GRK5: variants seen among roughly 807,000 people sequenced by gnomAD.
The protein encoded by GRK5 is g protein-coupled receptor kinase GRK5.
GRK5 carries 40 observed loss-of-function variants against 78.4 expected under a neutral mutation model. That is an observed-to-expected ratio of 0.51 (90% CI 0.40 to 0.66). GRK5 has a LOEUF of 0.66. Ranked by LOEUF, GRK5 falls within the 30% of genes least tolerant of loss-of-function variation. The pLI, the probability that GRK5 is intolerant of heterozygous loss-of-function variation, is 0.00. For synonymous variants in GRK5, 289 were observed against 296.8 expected (o/e 0.97, Z 0.27); for missense variants, 598 against 759.9 (o/e 0.79, Z 2.50).
chr10:119,358,115 G>A (rs1047547859), intron 2 of GRK5, among the ~76,000 whole-genome samples: 2 of 152,204 alleles, frequency 1.3e-5, no homozygotes, highest in Non-Finnish European at 2.9e-5. Flanking sequence ...CCATTGTGCA[G>A]TGGGGAGGGA....
chr10:119,448,854 C>T (rs1853214438), intron 13 of GRK5, among the ~76,000 whole-genome samples: 1 of 152,186 alleles, frequency 6.6e-6, no homozygotes. Context: ...AAGTCCCCTA[C>T]ATGGTCTATA....
At chr10:119,353,948 T>TC (rs1168953362) in intron 2 of GRK5, among the ~76,000 whole-genome samples, 1 of 149,800 alleles carries the variant, frequency 6.7e-6, no homozygotes, top group African/African-American at 2.4e-5. Flanking sequence ...TTTTTTTTTT[T>TC]TTTTGAGGTG....
rs140074275 is a variant in GRK5, at chr10:119,232,499, T to C, written c.52+24530T>C. Among the ~76,000 whole-genome samples, 187 of 152,350 alleles carry C rather than the reference T, an allele frequency of 1.2e-3. 1 individual carries two copies. The highest frequency in any genetic ancestry group is 4.3e-3 in the African/African-American group (178 of 41,582). ...TTGAATGTTCCTAACTGATATGGTT[T>C]GGCTGTGTTCCCACCCACATCTCAT... On this transcript the variant is annotated intron_variant, in intron 1 of 15. Transcript: ENST00000392870.
intron 1 of GRK5, among the ~76,000 whole-genome samples, chr10:119,283,843 G>T (rs376528199): frequency 6.6e-6 from 1 of 152,234 alleles, no homozygotes; most frequent in Non-Finnish European, 1.5e-5. Context: ...TCTGGCAAGA[G>T]AATGTTTCAA....
intron 1 of GRK5, among the ~76,000 whole-genome samples, chr10:119,297,305 A>C (rs1850098701): frequency 6.6e-6 from 1 of 152,192 alleles, no homozygotes; most frequent in South Asian, 2.1e-4. Context: ...AAGTTTGGCG[A>C]ATGTTAGTGC....
chr10:119,430,927 C>T lies in GRK5; in HGVS notation c.598-460C>T, dbSNP rs1359862411. Among the ~76,000 whole-genome samples, 2 of 152,178 alleles carry T rather than the reference C, an allele frequency of 1.3e-5. No individual in the cohort carries two copies. Among genetic ancestry groups the T allele is most frequent in the African/African-American group, 4.8e-5 (2 of 41,440 alleles). ...GTTAGGTGACCCAGCCAAGGGCGCG[C>T]AGACAATGTGAGGCAGAGCTAAGAC... On this transcript the variant is annotated intron_variant, in intron 7 of 15. Transcript: ENST00000392870. The surrounding 1 kb of genome is among the most constrained non-coding windows in gnomAD (Gnocchi z 4.5).
intron 8 of GRK5, among the ~76,000 whole-genome samples, chr10:119,434,135 A>G (rs1365555063): frequency 6.6e-6 from 1 of 152,170 alleles, no homozygotes; most frequent in African/African-American, 2.4e-5. Flanking sequence ...ATTATCTCCC[A>G]CCGGGTCCCT....
chr10:119,303,915 T>C (rs1850228846), intron 1 of GRK5, among the ~76,000 whole-genome samples: 1 of 152,070 alleles, frequency 6.6e-6, no homozygotes, highest in African/African-American at 2.4e-5. Flanking sequence ...ATCACTCATC[T>C]CCCACTGCAT....
At chr10:119,377,115 T>C (rs1851637503) in intron 2 of GRK5, among the ~76,000 whole-genome samples, 1 of 152,102 alleles carries the variant, frequency 6.6e-6, no homozygotes, top group Non-Finnish European at 1.5e-5. Flanking sequence ...CCTAGGTGTT[T>C]CTCCTCACCA....
intron 1 of GRK5, among the ~76,000 whole-genome samples, chr10:119,301,723 G>A (rs571595013): frequency 6.6e-6 from 1 of 152,168 alleles, no homozygotes; most frequent in Non-Finnish European, 1.5e-5. Context: ...GTCAAACCGT[G>A]GGTTTTCTGA....
chr10:119,348,381 T>C (rs1851134783), intron 2 of GRK5, among the ~76,000 whole-genome samples: 1 of 152,160 alleles, frequency 6.6e-6, no homozygotes, highest in African/African-American at 2.4e-5. Flanking sequence ...GTGGATCGTT[T>C]TGGGAAGTAA....
chr10:119,259,036 T>G (rs1849329474), intron 1 of GRK5, among the ~76,000 whole-genome samples: 1 of 151,338 alleles, frequency 6.6e-6, no homozygotes, highest in African/African-American at 2.4e-5. Context: ...CCTTCCATCC[T>G]CTTTCCATGA....
chr10:119,309,950 T>C (rs148165258), intron 1 of GRK5, among the ~76,000 whole-genome samples: 189 of 152,204 alleles, frequency 1.2e-3, no homozygotes, highest in Non-Finnish European at 2.1e-3. Context: ...ACAAATCTAC[T>C]TTACTGTAGG....
chr10:119,257,802 T>C (rs1589705962), intron 1 of GRK5, among the ~76,000 whole-genome samples: 1 of 152,138 alleles, frequency 6.6e-6, no homozygotes, highest in Admixed American at 6.5e-5. Flanking sequence ...GTGGATGGGG[T>C]GCCTCCGACT....
At chr10:119,338,071 C>T (rs1850923781) in intron 2 of GRK5, among the ~76,000 whole-genome samples, 1 of 152,206 alleles carries the variant, frequency 6.6e-6, no homozygotes, top group Non-Finnish European at 1.5e-5. Flanking sequence ...AGTGTATCTT[C>T]TTTAGGGGAT....
At chr10:119,249,127 C>T (rs369183527) in intron 1 of GRK5, among the ~76,000 whole-genome samples, 1 of 151,860 alleles carries the variant, frequency 6.6e-6, no homozygotes, top group East Asian at 1.9e-4. Context: ...AAAAATTAGC[C>T]GGGCATGGTG....
intron 15 of GRK5, among the ~76,000 whole-genome samples, chr10:119,453,693 C>G (rs1853341675): frequency 6.6e-6 from 1 of 152,190 alleles, no homozygotes; most frequent in South Asian, 2.1e-4. Context: ...GGCACAGTCA[C>G]CCCTGATTGA....
At chr10:119,356,844 T>C (rs1589761899) in intron 2 of GRK5, among the ~76,000 whole-genome samples, 2 of 152,368 alleles carry the variant, frequency 1.3e-5, no homozygotes, top group Middle Eastern at 3.4e-3. Flanking sequence ...CTTTGTATTC[T>C]CATATAGGAA....
chr10:119,451,303 C>T (rs976614929), intron 13 of GRK5, among the ~76,000 whole-genome samples: 4 of 151,870 alleles, frequency 2.6e-5, no homozygotes, highest in African/African-American at 9.7e-5. Flanking sequence ...GAAATAATAG[C>T]CATGAAAGAG....
Sources: gnomAD v4.1 joint callset for allele counts (sites outside exome capture counted in the v4.1 genomes callset) on GRCh38, gnomAD v4.1.1 for gene constraint, Gnocchi (gnomAD v3.1) non-coding constraint, MANE v1.5 for transcripts, NCBI Gene and HGNC (gene_info 2026-07-23, HGNC 2026-07-21) for gene names.